Variants in KCNU1 observed in about 807,000 individuals in gnomAD.
KCNU1 encodes potassium channel subfamily U member 1.
A neutral mutation model predicts 126.8 loss-of-function variants in KCNU1; 93 were observed. The ratio of observed to expected loss-of-function variants is 0.73; its 90% confidence interval spans 0.62 to 0.87. The LOEUF is 0.87. Among genes scored for constraint, KCNU1 ranks in the 40% least tolerant of loss-of-function variants. The probability of loss-of-function intolerance (pLI) is 0.00; values close to 1 mark genes in which losing one functional copy is unlikely to be tolerated. For synonymous variants in KCNU1, 523 were observed against 494.2 expected (o/e 1.06, Z -0.77); for missense variants, 1,330 against 1,367.1 (o/e 0.97, Z 0.43).
At chr8:36,886,316 T>C (rs774255200) in intron 19 of KCNU1, among the ~76,000 whole-genome samples, 3 of 152,144 alleles carry the variant, frequency 2.0e-5, no homozygotes, top group African/African-American at 7.2e-5. Flanking sequence ...ATATAACATA[T>C]CCTATTGTAA....
At chr8:36,912,946 G>T (rs1314490656) in intron 22 of KCNU1, among the ~76,000 whole-genome samples, 1 of 89,230 alleles carries the variant, frequency 1.1e-5, no homozygotes, top group Non-Finnish European at 2.0e-5. Context: ...CCAGTCTGGT[G>T]ACAGAGCAAA....
At chr8:36,788,267 A>G (rs1802783438) in intron 2 of KCNU1, among the ~76,000 whole-genome samples, 1 of 152,108 alleles carries the variant, frequency 6.6e-6, no homozygotes, top group East Asian at 1.9e-4. Flanking sequence ...TTCTTTAATA[A>G]TCGTTGAGCA....
At chr8:36,883,494 C>A (rs1017742671) in intron 19 of KCNU1, among the ~76,000 whole-genome samples, 2 of 152,146 alleles carry the variant, frequency 1.3e-5, no homozygotes, top group Non-Finnish European at 2.9e-5. Flanking sequence ...GGAGGAAAGA[C>A]TTCCACTGGC....
Position 36,817,695 on chromosome 8 carries a change from T to C in KCNU1, c.1041T>C (p.Ala347=). Residue 347 remains alanine (A), a synonymous_variant, in exon 10 of 27, where the codon GCT becomes GCC. Transcript: ENST00000399881. Reference sequence around the variant, plus strand: ...ACATCACTGTGGACAGTGTGACCGCTTTCCTGAGGAATTTCCTCCGCGACA... The same window carrying C: ...ACATCACTGTGGACAGTGTGACCGCCTTCCTGAGGAATTTCCTCCGCGACA... ...CGNITVDSVT[A]FLRNFLRDKS... 1 of 1,613,216 alleles carries C rather than the reference T, an allele frequency of 6.2e-7. No homozygotes were observed. The highest frequency in any genetic ancestry group is 8.5e-7 in the Non-Finnish European group (1 of 1,179,278).
intron 19 of KCNU1, among the ~76,000 whole-genome samples, chr8:36,875,394 T>C (rs1806244255): frequency 6.7e-6 from 1 of 148,834 alleles, no homozygotes; most frequent in African/African-American, 2.4e-5. Flanking sequence ...ATTACAGATA[T>C]ATAATAGTGT....
chr8:36,808,901 T>C, intron 7 of KCNU1, 108 bp downstream of exon 7: 1 of 714,086 alleles, frequency 1.4e-6, no homozygotes, highest in East Asian at 2.7e-5. Context: ...TGTAAGCCAG[T>C]TGGAGGTGTG....
intron 18 of KCNU1, among the ~76,000 whole-genome samples, chr8:36,857,803 A>G (rs1266636520): frequency 6.6e-6 from 1 of 151,680 alleles, no homozygotes; most frequent in Non-Finnish European, 1.5e-5. Context: ...TTGCCACCAC[A>G]TGCAGCTAAT....
At chr8:36,907,982 G>GT (rs567088807) in intron 20 of KCNU1, among the ~76,000 whole-genome samples, 43 of 151,118 alleles carry the variant, frequency 2.8e-4, no homozygotes, top group African/African-American at 6.1e-4. Flanking sequence ...TAACTCTTTG[G>GT]TTTTTTTTTC....
In KCNU1 at chr8:36,836,777, T is replaced by C. The variant is rs1804764217; in HGVS notation, c.1366-16T>C. ...GTTTATTCCTAATGTTTGACCTGCTTTGTGCTATGGAACAGGTTTATCTGC... is the reference window on the plus strand; with the variant it reads ...GTTTATTCCTAATGTTTGACCTGCTCTGTGCTATGGAACAGGTTTATCTGC... On this transcript the variant is annotated splice_polypyrimidine_tract_variant and intron_variant, in intron 13 of 26. Transcript: ENST00000399881. The C allele has an allele frequency of 6.2e-7, 1 of 1,613,084 alleles. No homozygotes were observed. The highest frequency in any genetic ancestry group is 8.5e-7 in the Non-Finnish European group (1 of 1,179,166).
At chr8:36,838,376 A>T (rs1207009336) in intron 14 of KCNU1, among the ~76,000 whole-genome samples, 1 of 152,196 alleles carries the variant, frequency 6.6e-6, no homozygotes, top group Non-Finnish European at 1.5e-5. Context: ...ATGTAAAACC[A>T]TCCTCTTGTA....
At chr8:36,886,776 G>GT (rs933867055) in intron 19 of KCNU1, among the ~76,000 whole-genome samples, 6 of 152,048 alleles carry the variant, frequency 3.9e-5, no homozygotes, top group Admixed American at 2.0e-4. Context: ...CCAATATGTA[G>GT]TTTTTTATCC....
At chr8:36,843,070 A>G (rs935965201) in intron 16 of KCNU1, among the ~76,000 whole-genome samples, 1 of 152,180 alleles carries the variant, frequency 6.6e-6, no homozygotes, top group Non-Finnish European at 1.5e-5. Flanking sequence ...TCTCCATGAT[A>G]TCATTGGTTT....
chr8:36,818,263 G>A (rs1258643986), intron 10 of KCNU1, among the ~76,000 whole-genome samples: 1 of 152,080 alleles, frequency 6.6e-6, no homozygotes, highest in Non-Finnish European at 1.5e-5. Flanking sequence ...TACACAAAAT[G>A]ATTTCTTATA....
At chr8:36,797,458 A>G (rs1415519668) in intron 2 of KCNU1, among the ~76,000 whole-genome samples, 1 of 152,138 alleles carries the variant, frequency 6.6e-6, no homozygotes, top group Non-Finnish European at 1.5e-5. Flanking sequence ...TTATGTCTAT[A>G]TGCTCCTTTT....
rs547170989 is a variant in KCNU1 at position 36,919,098 on chromosome 8, T to C, written c.2596+201T>C. Among the ~76,000 whole-genome samples, 3 of 152,238 alleles carry C rather than the reference T, an allele frequency of 2.0e-5. No individual in the cohort carries two copies. In the South Asian group the frequency reaches 6.2e-4, roughly 32 times the overall value. On this transcript the variant is annotated intron_variant, in intron 23 of 26. Transcript: ENST00000399881. The stretch of plus-strand genomic sequence containing the variant: ...TATATCTGGTGTCAGGGTTCAGAAA[T>C]GACATCTGCCTTCTCCACTCTTTTA...
chr8:36,796,358 G>A (rs1238952447), intron 2 of KCNU1, among the ~76,000 whole-genome samples: 1 of 152,146 alleles, frequency 6.6e-6, no homozygotes, highest in Non-Finnish European at 1.5e-5. Context: ...TATTTTGAAA[G>A]ACTGTCTATT....
rs779869726 is a variant in KCNU1, at chr8:36,918,793, T to C, written c.2522-30T>C. Reference sequence around the variant, plus strand: ...GACAAGTTTTGTAAGGCATTGTGTTTGCATTTATCACCTCTTTTCTTCTTT... The same window carrying C: ...GACAAGTTTTGTAAGGCATTGTGTTCGCATTTATCACCTCTTTTCTTCTTT... On this transcript the variant is annotated intron_variant, in intron 22 of 26. Transcript: ENST00000399881. 8 of 1,348,688 alleles carry C rather than the reference T, an allele frequency of 5.9e-6. No homozygotes were observed. The African/African-American group carries it at 1.0e-4, about 17-fold the overall frequency. 83.5% of individuals were successfully genotyped at this position (1,348,688 alleles called of 1,614,324 possible).
rs139098307 is a variant in KCNU1 at position 36,849,360 on chromosome 8, G to T, written c.1891+3461G>T. Among the ~76,000 whole-genome samples, 790 of 152,226 alleles carry T rather than the reference G, an allele frequency of 5.2e-3. 2 individuals carry two copies. Among genetic ancestry groups the T allele is most frequent in the Non-Finnish European group, 7.0e-3 (476 of 68,016 alleles). ...TCCCAGCACTTTGGGAGGCTGAGGT[G>T]GGCCGATCACTTGAGGTCAGGAGTT... On this transcript the variant is annotated intron_variant, in intron 18 of 26. Transcript: ENST00000399881.
intron 19 of KCNU1, among the ~76,000 whole-genome samples, chr8:36,881,445 A>G (rs1806475111): frequency 6.6e-6 from 1 of 151,956 alleles, no homozygotes; most frequent in Non-Finnish European, 1.5e-5. Context: ...TCTGATTTCA[A>G]ACTCCTGACC....
Sources: gnomAD v4.1 joint callset for allele counts (sites outside exome capture counted in the v4.1 genomes callset) on GRCh38, gnomAD v4.1.1 for gene constraint, MANE v1.5 for transcripts, NCBI Gene and HGNC (gene_info 2026-07-23, HGNC 2026-07-21) for gene names.